The following GABRB2 variants were observed in gnomAD, a reference collection of about 807,000 sequenced individuals.
The protein encoded by GABRB2 is gamma-aminobutyric acid receptor subunit beta-2.
GABRB2 carries 16 observed loss-of-function variants against 54.7 expected under a neutral mutation model. That is an observed-to-expected ratio of 0.29 (90% CI 0.20 to 0.44). The LOEUF (loss-of-function observed/expected upper bound fraction) is 0.44, where lower values mean the gene tolerates loss of function less well. Among genes scored for constraint, GABRB2 ranks in the 20% least tolerant of loss-of-function variants. The pLI, the probability that GABRB2 is intolerant of heterozygous loss-of-function variation, is 1.00. For synonymous variants in GABRB2, 244 were observed against 233.8 expected (o/e 1.04, Z -0.40); for missense variants, 355 against 644.0 (o/e 0.55, Z 4.86).
intron 3 of GABRB2, among the ~76,000 whole-genome samples, chr5:161,496,910 C>T (rs1367143678): frequency 1.3e-5 from 2 of 152,052 alleles, no homozygotes; most frequent in African/African-American, 4.8e-5. Flanking sequence ...TATATGTATA[C>T]ACCCATATCA....
intron 3 of GABRB2, among the ~76,000 whole-genome samples, chr5:161,465,759 A>G (rs1010741537): frequency 2.0e-5 from 3 of 152,120 alleles, no homozygotes. Context: ...ACACATACAT[A>G]TACATCATAT....
intron 3 of GABRB2, among the ~76,000 whole-genome samples, chr5:161,522,059 A>T (rs550755309): frequency 2.6e-4 from 40 of 152,006 alleles, no homozygotes; most frequent in Non-Finnish European, 5.0e-4. Context: ...AGTTAGTAGG[A>T]CATCTGCATT....
intron 9 of GABRB2, among the ~76,000 whole-genome samples, chr5:161,320,799 G>T (rs1758186001): frequency 6.6e-6 from 1 of 151,894 alleles, no homozygotes; most frequent in Admixed American, 6.6e-5. Context: ...GCTCTACACA[G>T]AGAAGCTTGG....
chr5:161,333,391 C>T (rs773562718), intron 7 of GABRB2, among the ~76,000 whole-genome samples: 18 of 152,168 alleles, frequency 1.2e-4, no homozygotes, highest in Non-Finnish European at 2.4e-4. Flanking sequence ...AGTCTACACA[C>T]AGGGGAGGTC....
At chr5:161,374,108 C>T (rs553725370) in intron 5 of GABRB2, among the ~76,000 whole-genome samples, 12 of 152,030 alleles carry the variant, frequency 7.9e-5, no homozygotes, top group Non-Finnish European at 1.5e-4. Flanking sequence ...CCATGCCCTG[C>T]TAATTTTGTA....
chr5:161,492,369 A>G (rs958906821), intron 3 of GABRB2, among the ~76,000 whole-genome samples: 2 of 151,672 alleles, frequency 1.3e-5, no homozygotes, highest in Admixed American at 1.3e-4. Flanking sequence ...TCATTATTCT[A>G]TTCCCTACTT....
chr5:161,349,858 C>T (rs1754422742), intron 5 of GABRB2, among the ~76,000 whole-genome samples: 1 of 152,090 alleles, frequency 6.6e-6, no homozygotes, highest in East Asian at 1.9e-4. Context: ...CAGAAAACAG[C>T]TTGATGGCAA....
intron 5 of GABRB2, among the ~76,000 whole-genome samples, chr5:161,351,742 A>G (rs1192864116): frequency 6.6e-6 from 1 of 152,128 alleles, no homozygotes; most frequent in Non-Finnish European, 1.5e-5. Flanking sequence ...AGCAAAAGAA[A>G]CAATCAACAC....
At chr5:161,522,400 A>G (rs1256652147) in intron 3 of GABRB2, among the ~76,000 whole-genome samples, 1 of 151,788 alleles carries the variant, frequency 6.6e-6, no homozygotes, top group Non-Finnish European at 1.5e-5. Flanking sequence ...CCTCTAAAGC[A>G]CTACAGAGTT....
intron 5 of GABRB2, among the ~76,000 whole-genome samples, chr5:161,361,013 T>TA (rs1754793824): frequency 6.7e-6 from 1 of 150,332 alleles, no homozygotes; most frequent in Non-Finnish European, 1.5e-5. Context: ...CCGTCTCTAA[T>TA]AAAAAAAGAA....
At chr5:161,296,406 G>A in intron 9 of GABRB2, among the ~76,000 whole-genome samples, 1 of 152,080 alleles carries the variant, frequency 6.6e-6, no homozygotes, top group East Asian at 1.9e-4. Flanking sequence ...CTTCTCTACT[G>A]AGCAATTATA....
chr5:161,512,328 A>T (rs1759798672), intron 3 of GABRB2, among the ~76,000 whole-genome samples: 1 of 152,066 alleles, frequency 6.6e-6, no homozygotes, highest in Admixed American at 6.6e-5. Context: ...ACCTTACTCA[A>T]CTTCAAACAA....
intron 5 of GABRB2, among the ~76,000 whole-genome samples, chr5:161,388,330 T>G (rs1264307782): frequency 6.6e-6 from 1 of 152,208 alleles, no homozygotes; most frequent in African/African-American, 2.4e-5. Context: ...GCTTTAAAAA[T>G]TAATCTGTTA....
chr5:161,447,128 A>C (rs573250684), intron 4 of GABRB2, among the ~76,000 whole-genome samples: 2 of 152,250 alleles, frequency 1.3e-5, no homozygotes, highest in African/African-American at 4.8e-5. Flanking sequence ...TTTGTAGCTT[A>C]ATCCCCTCAG....
intron 5 of GABRB2, among the ~76,000 whole-genome samples, chr5:161,344,848 T>C (rs1754273228): frequency 6.6e-6 from 1 of 152,112 alleles, no homozygotes; most frequent in African/African-American, 2.4e-5. Context: ...ATATACACCA[T>C]AGAATACTAT....
intron 3 of GABRB2, among the ~76,000 whole-genome samples, chr5:161,543,424 T>C (rs1760880806): frequency 6.6e-6 from 1 of 152,210 alleles, no homozygotes; most frequent in Admixed American, 6.5e-5. Flanking sequence ...CAACCTCTAG[T>C]CATCTCATGA....
intron 3 of GABRB2, among the ~76,000 whole-genome samples, chr5:161,533,036 G>A (rs1760513020): frequency 6.6e-6 from 1 of 152,094 alleles, no homozygotes; most frequent in African/African-American, 2.4e-5. Flanking sequence ...CTTTGTGTTA[G>A]GAGAGAAGTC....
chr5:161,521,624 C>T (rs1033533364), intron 3 of GABRB2, among the ~76,000 whole-genome samples: 2 of 151,868 alleles, frequency 1.3e-5, no homozygotes, highest in Non-Finnish European at 2.9e-5. Context: ...TGGATCATCA[C>T]TTTTAAAGTC....
chr5:161,341,127 C>T (rs1000011234), intron 5 of GABRB2, among the ~76,000 whole-genome samples: 2 of 151,968 alleles, frequency 1.3e-5, no homozygotes, highest in Non-Finnish European at 2.9e-5. Flanking sequence ...AAGTTAAAAG[C>T]CAACTCAATA....
Sources: allele counts gnomAD v4.1 joint callset (sites outside exome capture counted in the v4.1 genomes callset), GRCh38; gene constraint gnomAD v4.1.1; transcripts MANE v1.5; gene names NCBI Gene and HGNC (gene_info 2026-07-23, HGNC 2026-07-21).